The following TRIM75 variants were observed in gnomAD, a reference collection of about 807,000 sequenced individuals.
TRIM75 encodes tripartite motif-containing protein 75.
chr4:165,056,859 T>C, the TRIM75 span, among the ~76,000 whole-genome samples: 1 of 152,008 alleles, frequency 6.6e-6, no homozygotes, highest in Non-Finnish European at 1.5e-5. Context: ...TCAGGTCATC[T>C]GCCCGCCTTG....
chr4:165,059,425 A>G, the TRIM75 span: 4 of 780,806 alleles, frequency 5.1e-6, no homozygotes, highest in Non-Finnish European at 9.6e-6. Flanking sequence ...AAGCAGGAAG[A>G]GACCACCTTG....
chr4:165,060,130 T>A, the TRIM75 span: 3 of 780,946 alleles, frequency 3.8e-6, no homozygotes, highest in Admixed American at 5.1e-5. Context: ...GTTCCTGGTT[T>A]CCCAAAAAGA....
the TRIM75 span, chr4:165,060,489 C>A: frequency 2.6e-6 from 2 of 779,430 alleles, no homozygotes; most frequent in Admixed American, 3.4e-5. Flanking sequence ...GCCTCTTCGG[C>A]CTTATTTCTA....
chr4:165,059,389 T>C, the TRIM75 span: 9 of 780,732 alleles, frequency 1.2e-5, no homozygotes, highest in South Asian at 1.1e-4. Flanking sequence ...GCCAAGCTAC[T>C]CCAGAGCACC....
chr4:165,057,211 C>T, the TRIM75 span, among the ~76,000 whole-genome samples: 1 of 152,096 alleles, frequency 6.6e-6, no homozygotes, highest in Non-Finnish European at 1.5e-5. Context: ...CAAACTAGTA[C>T]TGAAAATCAC....
At chr4:165,054,379 TGCCTCA>T in the TRIM75 span, among the ~76,000 whole-genome samples, 11 of 151,492 alleles carry the variant, frequency 7.3e-5, no homozygotes, top group South Asian at 2.1e-3. Context: ...GTGATTCTCC[TGCCTCA>T]GCCTCCCCAG....
At chr4:165,054,017 C>T in the TRIM75 span, among the ~76,000 whole-genome samples, 2 of 152,232 alleles carry the variant, frequency 1.3e-5, no homozygotes, top group Middle Eastern at 6.8e-3. Context: ...ACCTCTTGAG[C>T]ACCTGCTCTG....
the TRIM75 span, among the ~76,000 whole-genome samples, chr4:165,057,260 C>T: frequency 2.8e-4 from 43 of 152,084 alleles, 1 homozygote; most frequent in Admixed American, 2.6e-3. Context: ...CTGTAATCCT[C>T]GCATTTTGGG....
At chr4:165,056,847 C>A in the TRIM75 span, among the ~76,000 whole-genome samples, 1 of 152,042 alleles carries the variant, frequency 6.6e-6, no homozygotes, top group Non-Finnish European at 1.5e-5. Context: ...AAACTCCTGA[C>A]CTCAGGTCAT....
At chr4:165,056,251 C>G in the TRIM75 span, among the ~76,000 whole-genome samples, 1 of 151,860 alleles carries the variant, frequency 6.6e-6, no homozygotes, top group Non-Finnish European at 1.5e-5. Flanking sequence ...CTGGGCAATA[C>G]AGCAAGATCC....
the TRIM75 span, chr4:165,059,661 C>T: frequency 3.8e-6 from 3 of 780,916 alleles, no homozygotes; most frequent in South Asian, 1.3e-5. Context: ...ACCCTTAGAA[C>T]TGAGAGAGAT....
the TRIM75 span, among the ~76,000 whole-genome samples, chr4:165,055,755 G>A: frequency 2.0e-5 from 3 of 152,064 alleles, no homozygotes; most frequent in South Asian, 2.1e-4. Context: ...GCCTCAGGGC[G>A]AGAGAATGCA....
chr4:165,054,692 G>A, the TRIM75 span, among the ~76,000 whole-genome samples: 3 of 152,138 alleles, frequency 2.0e-5, no homozygotes, highest in African/African-American at 4.8e-5. Context: ...GAACTACCGC[G>A]CCTGCGGCAT....
the TRIM75 span, among the ~76,000 whole-genome samples, chr4:165,054,173 A>G: frequency 2.0e-4 from 30 of 150,130 alleles, no homozygotes; most frequent in African/African-American, 7.4e-4. Context: ...GCTAACTACA[A>G]CCTCTGCCTC....
At chr4:165,054,108 T>C in the TRIM75 span, among the ~76,000 whole-genome samples, 8 of 152,048 alleles carry the variant, frequency 5.3e-5, no homozygotes, top group African/African-American at 1.7e-4. Flanking sequence ...CATTTATTTT[T>C]TTGAGACGCA....
the TRIM75 span, among the ~76,000 whole-genome samples, chr4:165,057,594 T>C: frequency 0.1 from 15,588 of 151,992 alleles, 933 homozygotes; most frequent in African/African-American, 0.17. Context: ...AGTGCAGTGG[T>C]GCGATCTCAG....
At chr4:165,059,741 A>G in the TRIM75 span, 4 of 780,928 alleles carry the variant, frequency 5.1e-6, no homozygotes, top group South Asian at 5.4e-5. Context: ...ACCGTGAGCA[A>G]CAGGCAGTTC....
At chr4:165,059,680 A>AC in the TRIM75 span, 7 of 780,802 alleles carry the variant, frequency 9.0e-6, no homozygotes, top group African/African-American at 1.0e-4. Context: ...ATGGTGGAAA[A>AC]CCAAAGGCAG....
At chr4:165,056,586 T>TCTC in the TRIM75 span, among the ~76,000 whole-genome samples, 196 of 147,720 alleles carry the variant, frequency 1.3e-3, 3 homozygotes, top group South Asian at 0.021. Context: ...TTCTTTTTCT[T>TCTC]TCTCTGTCTC....
Sources: gnomAD v4.1 joint callset for allele counts (sites outside exome capture counted in the v4.1 genomes callset) on GRCh38, gnomAD v4.1.1 for gene constraint, MANE v1.5 for transcripts, NCBI Gene and HGNC (gene_info 2026-07-23, HGNC 2026-07-21) for gene names.